Variants in SERPINE2 observed in about 807,000 individuals in gnomAD.
The protein encoded by SERPINE2 is serpin family E member 2.
SERPINE2 carries 14 observed loss-of-function variants against 36.3 expected under a neutral mutation model. The observed-to-expected ratio is 0.39, with a 90% CI of 0.25 to 0.60. SERPINE2 has a LOEUF of 0.60. Among genes scored for constraint, SERPINE2 ranks in the 20% least tolerant of loss-of-function variants. The probability of loss-of-function intolerance (pLI) is 0.57; values close to 1 mark genes in which losing one functional copy is unlikely to be tolerated. For missense variants in SERPINE2, 418 were observed against 499.6 expected (o/e 0.84, Z 1.56); for synonymous variants, 192 against 191.8 (o/e 1.00, Z -0.01).
At chr2:224,036,431 T>G (rs1574856376) in intron 1 of SERPINE2, among the ~76,000 whole-genome samples, 1 of 132,272 alleles carries the variant, frequency 7.6e-6, no homozygotes, top group Admixed American at 8.5e-5. Flanking sequence ...CTTGTTCAGA[T>G]GAGAACACAG....
chr2:223,994,033 T>C (rs6738983), intron 3 of SERPINE2, among the ~76,000 whole-genome samples: 80,086 of 152,052 alleles, frequency 0.53, 23,636 homozygotes, highest in Non-Finnish European at 0.68. Context: ...AATTCCTACT[T>C]GCCTTTAAGA....
rs1412660144 is a variant in SERPINE2, at chr2:223,998,317, G to C, written c.285C>G (p.Ile95Met). 1 of 1,613,336 alleles carries C rather than the reference G, an allele frequency of 6.2e-7. No homozygotes were observed. Among genetic ancestry groups the C allele is most frequent in the Non-Finnish European group, 8.5e-7 (1 of 1,179,252 alleles). ...TCTTCTTGGAGACGATGGCCTTGTT[G>C]ATCTTCTTTAATATTTTACCAACTC... is the stretch of plus-strand genomic sequence containing the variant. ...VNGVGKILKK[I>M]NKAIVSKKNK... Residue 95 changes from isoleucine (I) to methionine (M), a missense_variant, in exon 3 of 9, where the codon ATC becomes ATG. By Grantham distance (10) the Ile-to-Met change is conservative (BLOSUM62 1). Coordinates refer to ENST00000409304, the MANE Select transcript of SERPINE2 (RefSeq NM_001136528.2).
intron 1 of SERPINE2, among the ~76,000 whole-genome samples, chr2:224,026,182 G>A (rs1398727659): frequency 6.6e-6 from 1 of 152,234 alleles, no homozygotes; most frequent in Non-Finnish European, 1.5e-5. Context: ...CAGACAGGAA[G>A]AGGCTGGGTC....
intron 1 of SERPINE2, chr2:224,038,671 G>C: frequency 2.9e-6 from 2 of 680,958 alleles, no homozygotes; most frequent in Non-Finnish European, 5.2e-6. Flanking sequence ...CTCCCCATCC[G>C]GCGGCGCGCA....
chr2:223,976,360 C>T (rs549135748), intron 8 of SERPINE2, among the ~76,000 whole-genome samples: 2 of 152,302 alleles, frequency 1.3e-5, no homozygotes, highest in East Asian at 3.9e-4. Context: ...CCATGTTGGC[C>T]AGGCTGGTCT....
At chr2:224,023,144 A>G (rs963548664) in intron 1 of SERPINE2, among the ~76,000 whole-genome samples, 6 of 152,182 alleles carry the variant, frequency 3.9e-5, no homozygotes, top group African/African-American at 1.4e-4. Flanking sequence ...GCCTCCTATA[A>G]CAAGTGGGCT....
intron 3 of SERPINE2, among the ~76,000 whole-genome samples, chr2:223,996,847 C>T (rs542995901): frequency 3.3e-5 from 5 of 152,100 alleles, no homozygotes; most frequent in Admixed American, 2.6e-4. Context: ...GAGGCTGAGG[C>T]GAGAGGACTG....
At chr2:223,980,641 T>C (rs749969933) in intron 6 of SERPINE2, 33 of 440,182 alleles carry the variant, frequency 7.5e-5, no homozygotes, top group Non-Finnish European at 1.2e-4. Flanking sequence ...AATGATTTAG[T>C]GCCTCTATCA....
intron 2 of SERPINE2, among the ~76,000 whole-genome samples, chr2:223,999,439 T>G (rs939197284): frequency 6.6e-6 from 1 of 152,160 alleles, no homozygotes; most frequent in Admixed American, 6.5e-5. Context: ...AAGAGCCGAT[T>G]TGTCACTCTG....
intron 1 of SERPINE2, among the ~76,000 whole-genome samples, chr2:224,014,101 G>C (rs1461241718): frequency 2.0e-5 from 3 of 152,214 alleles, no homozygotes; most frequent in African/African-American, 7.2e-5. Context: ...GTGGCCATGC[G>C]AGGTGGCTCA....
chr2:224,032,328 G>A (rs1277771688), intron 1 of SERPINE2, among the ~76,000 whole-genome samples: 1 of 151,876 alleles, frequency 6.6e-6, no homozygotes, highest in African/African-American at 2.4e-5. Context: ...TTCAAGATTT[G>A]GCCCATAAAA....
At chr2:224,036,791 G>C (rs1293745759) in intron 1 of SERPINE2, among the ~76,000 whole-genome samples, 1 of 152,002 alleles carries the variant, frequency 6.6e-6, no homozygotes, top group East Asian at 1.9e-4. Context: ...GTGAGCTGAG[G>C]ATGCAGGGAC....
intron 1 of SERPINE2, among the ~76,000 whole-genome samples, chr2:224,027,461 G>A (rs1246618726): frequency 6.6e-6 from 1 of 152,142 alleles, no homozygotes; most frequent in Non-Finnish European, 1.5e-5. Flanking sequence ...CAACAGTTCA[G>A]TCCACACTGA....
In SERPINE2 at chr2:223,975,727, A is replaced by G. The variant is rs1016101215; in HGVS notation, c.*140T>C. On this transcript the variant is annotated 3_prime_UTR_variant, in exon 9 of 9. Transcript: ENST00000409304. ...TACCTCCCAGAACAGAAACACTTGCATCGAGTCTGTTCCTAAGAACTAGTT... is the reference window on the plus strand; with the variant it reads ...TACCTCCCAGAACAGAAACACTTGCGTCGAGTCTGTTCCTAAGAACTAGTT... The G allele has an allele frequency of 7.9e-6, 5 of 634,892 alleles. No individual in the cohort carries two copies. The Admixed American group carries it at 1.2e-4, about 15-fold the overall frequency. 39.3% of individuals were successfully genotyped at this position (634,892 alleles called of 1,614,324 possible).
At chr2:224,000,234 C>G (rs968105738) in intron 2 of SERPINE2, among the ~76,000 whole-genome samples, 10 of 152,078 alleles carry the variant, frequency 6.6e-5, no homozygotes, top group African/African-American at 2.4e-4. Context: ...GGGAGCAGAC[C>G]TAGATGTGAA....
chr2:224,038,412 T>G, intron 1 of SERPINE2: 1 of 1,258,322 alleles, frequency 7.9e-7, no homozygotes, highest in Non-Finnish European at 1.1e-6. Flanking sequence ...ATAGAAGCCT[T>G]CCTTCCCCGC....
At chr2:224,009,151 C>G (rs763866887) in intron 1 of SERPINE2, among the ~76,000 whole-genome samples, 4 of 152,154 alleles carry the variant, frequency 2.6e-5, no homozygotes, top group Non-Finnish European at 4.4e-5. Flanking sequence ...ACACACAGCA[C>G]GGCAAGGTGA....
intron 1 of SERPINE2, among the ~76,000 whole-genome samples, chr2:224,019,769 A>ATTT (rs1559216905): frequency 0.046 from 373 of 8,104 alleles, 2 homozygotes; most frequent in African/African-American, 0.064. Context: ...TTTTTTTAAA[A>ATTT]AAAAAAAAAG....
At chr2:223,996,194 G>T (rs1690882840) in intron 3 of SERPINE2, among the ~76,000 whole-genome samples, 2 of 152,224 alleles carry the variant, frequency 1.3e-5, no homozygotes, top group South Asian at 4.2e-4. Flanking sequence ...GTTTAATATT[G>T]CCATTCTACA....
Sources: gnomAD v4.1 joint callset for allele counts (sites outside exome capture counted in the v4.1 genomes callset) on GRCh38, gnomAD v4.1.1 for gene constraint, MANE v1.5 for transcripts, NCBI Gene and HGNC (gene_info 2026-07-23, HGNC 2026-07-21) for gene names.